SYCP1: variants seen among roughly 807,000 people sequenced by gnomAD.
The protein encoded by SYCP1 is cancer/testis antigen 8.
In SYCP1, 64 loss-of-function variants were observed where a neutral mutation model predicts 153.1. The ratio of observed to expected loss-of-function variants is 0.42; its 90% CI spans 0.34 to 0.51. The LOEUF is 0.51. Among genes scored for constraint, SYCP1 ranks in the 20% least tolerant of loss-of-function variants. SYCP1 has a pLI of 0.06. For missense variants in SYCP1, 997 were observed against 1,049.0 expected, an observed-to-expected ratio of 0.95 and a Z score of 0.68; for synonymous variants, 384 against 341.8, an observed-to-expected ratio of 1.12 and a Z score of -1.36.
intron 30 of SYCP1, among the ~76,000 whole-genome samples, chr1:114,990,460 C>T (rs1673845997): frequency 6.6e-6 from 1 of 151,618 alleles, no homozygotes; most frequent in South Asian, 2.1e-4. Context: ...AAACTCAAAC[C>T]TAGTAGATTG....
intron 28 of SYCP1, among the ~76,000 whole-genome samples, chr1:114,980,472 C>G (rs1673078161): frequency 6.6e-6 from 1 of 151,854 alleles, no homozygotes; most frequent in Non-Finnish European, 1.5e-5. Context: ...GCCATTTTCT[C>G]AGTTTTTTTC....
At chr1:114,962,718 C>T (rs1015617367) in intron 27 of SYCP1, among the ~76,000 whole-genome samples, 1 of 151,998 alleles carries the variant, frequency 6.6e-6, no homozygotes, top group South Asian at 2.1e-4. Context: ...CTATTTGTTG[C>T]CTGAATACCT....
chr1:114,858,930 G>A (rs765176404), intron 6 of SYCP1, among the ~76,000 whole-genome samples: 2 of 152,030 alleles, frequency 1.3e-5, no homozygotes, highest in South Asian at 4.1e-4. Context: ...AATGATTAGG[G>A]AAATAATAAA....
chr1:114,928,369 A>G (rs1001882283), intron 23 of SYCP1, among the ~76,000 whole-genome samples: 10 of 152,210 alleles, frequency 6.6e-5, no homozygotes, highest in African/African-American at 1.9e-4. Context: ...TGAAGGTCAG[A>G]TGACAAAGGA....
At chr1:114,952,226 C>G (rs756016841) in intron 27 of SYCP1, among the ~76,000 whole-genome samples, 11 of 152,150 alleles carry the variant, frequency 7.2e-5, no homozygotes, top group Non-Finnish European at 1.0e-4. Context: ...GTTTCATAAG[C>G]AACTGCCAAA....
intron 27 of SYCP1, among the ~76,000 whole-genome samples, chr1:114,954,257 T>C (rs1290442908): frequency 1.3e-5 from 2 of 152,078 alleles, no homozygotes; most frequent in Middle Eastern, 3.2e-3. Context: ...ATATGCAATA[T>C]CTTATTATTA....
At chr1:114,864,797 C>T (rs537321261) in intron 8 of SYCP1, among the ~76,000 whole-genome samples, 7 of 152,176 alleles carry the variant, frequency 4.6e-5, no homozygotes, top group African/African-American at 1.7e-4. Context: ...CACATAATTT[C>T]TTCTAACCTC....
intron 28 of SYCP1, among the ~76,000 whole-genome samples, chr1:114,979,019 A>G (rs761059942): frequency 1.8e-4 from 28 of 151,640 alleles, no homozygotes; most frequent in Admixed American, 9.2e-4. Flanking sequence ...TTCCATTATC[A>G]AGTAGATTAG....
At chr1:114,935,148 T>C (rs1343667135) in intron 23 of SYCP1, among the ~76,000 whole-genome samples, 1 of 152,168 alleles carries the variant, frequency 6.6e-6, no homozygotes, top group Non-Finnish European at 1.5e-5. Flanking sequence ...ATTGACCACA[T>C]AGTTGGAAGT....
chr1:114,925,772 G>T (rs1669212091), intron 21 of SYCP1, among the ~76,000 whole-genome samples: 1 of 152,012 alleles, frequency 6.6e-6, no homozygotes, highest in South Asian at 2.1e-4. Context: ...GAGATAAACT[G>T]GGAAAGCTGA....
intron 30 of SYCP1, among the ~76,000 whole-genome samples, chr1:114,991,504 G>A (rs1438807376): frequency 1.3e-5 from 2 of 151,684 alleles, no homozygotes; most frequent in African/African-American, 4.8e-5. Context: ...TTCAACATAA[G>A]AAAATAAAAC....
At chr1:114,980,903 T>A (rs1426771596) in intron 28 of SYCP1, among the ~76,000 whole-genome samples, 1 of 151,964 alleles carries the variant, frequency 6.6e-6, no homozygotes, top group African/African-American at 2.4e-5. Flanking sequence ...TACCCGTTAG[T>A]TATTTTTCCT....
At chr1:114,917,078 A>G (rs577574820) in intron 20 of SYCP1, among the ~76,000 whole-genome samples, 1 of 152,136 alleles carries the variant, frequency 6.6e-6, no homozygotes, top group South Asian at 2.1e-4. Context: ...TGTGCTATTA[A>G]ATACTAGATG....
At chr1:114,973,951 T>G (rs1672650677) in intron 27 of SYCP1, among the ~76,000 whole-genome samples, 1 of 151,952 alleles carries the variant, frequency 6.6e-6, no homozygotes, top group South Asian at 2.1e-4. Flanking sequence ...GAATACTATT[T>G]GTTGTATAAA....
At chr1:114,970,330 A>G (rs182318051) in intron 27 of SYCP1, among the ~76,000 whole-genome samples, 17 of 150,414 alleles carry the variant, frequency 1.1e-4, no homozygotes, top group Admixed American at 2.6e-4. Flanking sequence ...ATTATTTTTT[A>G]AGTTTCTTTA....
chr1:114,977,993 T>C (rs1672914784), intron 28 of SYCP1, among the ~76,000 whole-genome samples: 1 of 151,662 alleles, frequency 6.6e-6, no homozygotes, highest in African/African-American at 2.4e-5. Context: ...TTATTTAGAT[T>C]ATGTCTAATT....
chr1:114,892,135 G>C (rs1570713090), intron 15 of SYCP1, among the ~76,000 whole-genome samples: 1 of 152,148 alleles, frequency 6.6e-6, no homozygotes, highest in East Asian at 1.9e-4. Context: ...TGATCCCTAG[G>C]CTCTTGGACA....
At chr1:114,954,540 G>A (rs1006349366) in intron 27 of SYCP1, among the ~76,000 whole-genome samples, 2 of 145,684 alleles carry the variant, frequency 1.4e-5, no homozygotes, top group African/African-American at 5.1e-5. Context: ...TTTCCAGTCA[G>A]TATGCTTTTT....
chr1:114,903,968 T>C (rs890997173), intron 16 of SYCP1, among the ~76,000 whole-genome samples: 9 of 152,206 alleles, frequency 5.9e-5, no homozygotes, highest in Non-Finnish European at 7.3e-5. Context: ...TTTGCCAATA[T>C]TGCAGTGTCT....
Sources: allele counts gnomAD v4.1 joint callset (sites outside exome capture counted in the v4.1 genomes callset), GRCh38; gene constraint gnomAD v4.1.1; transcripts MANE v1.5; gene names NCBI Gene and HGNC (gene_info 2026-07-23, HGNC 2026-07-21).